Variants in CCDC88A observed in about 807,000 individuals in gnomAD.
The protein encoded by CCDC88A is coiled-coil and HOOK domain protein 88A, also known as girdin.
Under a neutral mutation model 234.3 loss-of-function variants are expected in CCDC88A, and 54 were observed. That is an observed-to-expected ratio of 0.23 (90% confidence interval 0.19 to 0.29). CCDC88A has a LOEUF of 0.29. CCDC88A is among the 10% of genes least tolerant of loss of function. The pLI is 1.00. For missense variants in CCDC88A, 1,832 were observed against 2,123.4 expected (o/e 0.86, Z 2.70); for synonymous variants, 753 against 737.8 (o/e 1.02, Z -0.33).
At chr2:55,343,889 C>T in intron 11 of CCDC88A, 97 bp from the exon 12 acceptor site, 1 of 1,034,716 alleles carries the variant, frequency 9.7e-7, no homozygotes, top group South Asian at 2.1e-5. Context: ...TTATCAGAAA[C>T]TCAGTAATAA....
In CCDC88A at chr2:55,291,744, T is replaced by C. The variant is rs375482415; in HGVS notation, c.5583A>G (p.Ser1861=). The change falls in exon 32 of 33, where the codon TCA becomes TCG. Residue 1861 remains serine (S), a synonymous_variant. Transcript: ENST00000436346. ...TTTGTTGCTCCCTAGACCTGCTTTT[T>C]GAATTTCTGCTTTCTTGTACTTTGT... ...NVDKVQESRN[S]KSRSREQQSS 10 of 1,612,818 alleles carry C rather than the reference T, an allele frequency of 6.2e-6. No individual in the cohort carries two copies. The highest frequency in any genetic ancestry group is 7.6e-6 in the Non-Finnish European group (9 of 1,179,164).
chr2:55,384,949 G>T (rs533834964), intron 3 of CCDC88A, among the ~76,000 whole-genome samples: 7 of 152,020 alleles, frequency 4.6e-5, no homozygotes, highest in East Asian at 3.9e-4. Flanking sequence ...GAGCTACCGC[G>T]CCTGGCTAAA....
At chr2:55,312,354 G>A in intron 23 of CCDC88A, 80 bp downstream of exon 23, 1 of 1,269,900 alleles carries the variant, frequency 7.9e-7, no homozygotes, top group Non-Finnish European at 1.1e-6. Flanking sequence ...AAATTAGCAT[G>A]AATTTTCTCT....
At chr2:55,409,738 CTTTTTTTTTTTT>C (rs61703330) in intron 2 of CCDC88A, among the ~76,000 whole-genome samples, 1 of 111,722 alleles carries the variant, frequency 9.0e-6, no homozygotes. Flanking sequence ...ATATACCTCC[CTTTTTTTTTTTT>C]TTTTTTTTTT....
rs770905849 is a variant in CCDC88A at position 55,355,714 on chromosome 2, T to C, written c.665A>G (p.His222Arg). 2 of 1,613,930 alleles carry C rather than the reference T, an allele frequency of 1.2e-6. No homozygotes were observed. The highest frequency in any genetic ancestry group is 1.7e-6 in the Non-Finnish European group (2 of 1,179,866). Residue 222 changes from histidine to arginine, a missense_variant, in exon 8 of 33, where the codon CAT (histidine) becomes CGT (arginine). This residue lies in a region of CCDC88A where 1,282 missense variants were observed against 1,543.6 expected (regional missense o/e 0.83). Transcript: ENST00000436346. ...AGATGAAGAGGCATGGGGTAGAAAA[T>C]GGAGACCATCCCGCTCTTCAGAGAG... ...IELSEERDGLHFLPHASSSAQ... is the reference protein window; with the variant it reads ...IELSEERDGLRFLPHASSSAQ...
At chr2:55,366,258 G>T (rs966106463) in intron 5 of CCDC88A, among the ~76,000 whole-genome samples, 2 of 152,108 alleles carry the variant, frequency 1.3e-5, no homozygotes, top group Admixed American at 1.3e-4. Flanking sequence ...AGGCGTGATG[G>T]CTCAAGCCTG....
intron 4 of CCDC88A, 130 bp downstream of exon 4, chr2:55,374,684 C>T: frequency 2.0e-6 from 1 of 494,170 alleles, no homozygotes; most frequent in East Asian, 2.8e-5. Flanking sequence ...TAAAATGGAA[C>T]ATCACCTCCA....
At chr2:55,387,564 T>G (rs556262922) in intron 3 of CCDC88A, among the ~76,000 whole-genome samples, 1 of 151,838 alleles carries the variant, frequency 6.6e-6, no homozygotes, top group East Asian at 1.9e-4. Flanking sequence ...GGCAGATCAC[T>G]TGCGGTCAGG....
chr2:55,382,535 A>T (rs764773820), intron 3 of CCDC88A, among the ~76,000 whole-genome samples: 2 of 152,132 alleles, frequency 1.3e-5, no homozygotes, highest in Non-Finnish European at 2.9e-5. Context: ...TTTACTTGTA[A>T]ATGCTGTCTC....
intron 29 of CCDC88A, chr2:55,297,263 ATT>A (rs1198190959): frequency 1.6e-5 from 1 of 62,200 alleles, no homozygotes; most frequent in Non-Finnish European, 3.5e-5. Context: ...TCTAATGTGT[ATT>A]TTTATATATA....
In CCDC88A at chr2:55,316,062, C is replaced by A; in HGVS notation, c.3799G>T (p.Asp1267Tyr). The change falls in exon 22 of 33, where the codon GAC (aspartate) becomes TAC (tyrosine). Residue 1267 changes from aspartate to tyrosine, a missense_variant. Physicochemically the swap from Asp to Tyr is radical, Grantham distance 160. Coordinates refer to ENST00000436346, the MANE Select transcript of CCDC88A (RefSeq NM_001365480.1). ...LLKETEVLQT[D>Y]HKNLKSLLNN... ...AGAAGACTTTTCAAATTTTTATGGT[C>A]AGTTTGTAAAACTTCAGTCTCTTTT... 2 of 1,576,930 alleles carry A rather than the reference C, an allele frequency of 1.3e-6. No individual in the cohort carries two copies. Among genetic ancestry groups the A allele is most frequent in the South Asian group, 1.1e-5 (1 of 87,304 alleles).
intron 2 of CCDC88A, among the ~76,000 whole-genome samples, chr2:55,412,426 C>G (rs1280134047): frequency 9.2e-5 from 14 of 152,236 alleles, no homozygotes; most frequent in African/African-American, 3.4e-4. Flanking sequence ...GAAAGCCACA[C>G]AGCAGATCAG....
intron 28 of CCDC88A, 155 bp from the exon 29 acceptor site, chr2:55,300,074 T>A (rs1680695656): frequency 1.7e-6 from 1 of 600,502 alleles, no homozygotes; most frequent in African/African-American, 1.8e-5. Context: ...TCCAGATAGT[T>A]CATTGAGACA....
At chr2:55,322,756 A>G in intron 17 of CCDC88A, 64 bp from the exon 18 acceptor site, 1 of 889,942 alleles carries the variant, frequency 1.1e-6, no homozygotes, top group Non-Finnish European at 1.7e-6. Flanking sequence ...ATTTCTCTCA[A>G]TTAATTTGAC....
In CCDC88A at chr2:55,374,856, A is replaced by T. The variant is rs984259375; in HGVS notation, c.301T>A (p.Ser101Thr). The T allele has an allele frequency of 6.2e-7, 1 of 1,609,040 alleles. No homozygotes were observed. The highest frequency in any genetic ancestry group is 8.5e-7 in the Non-Finnish European group (1 of 1,176,278). ...QETLQQLIMM[S>T]LPNVLIIGKN... ...CCAATGATTAAGACATTTGGCAACG[A>T]CATCATGATCAATTGCTGCAAAGTC... The change falls in exon 4 of 33, where the codon TCG (serine) becomes ACG (threonine). Residue 101 changes from serine (S) to threonine (T), a missense_variant. Ser to Thr is a moderately conservative substitution (Grantham distance 58). This residue lies in a region of CCDC88A where 84 missense variants were observed against 80.9 expected (regional missense o/e 1.04). Transcript: ENST00000436346.
intron 11 of CCDC88A, 110 bp from the exon 12 acceptor site, chr2:55,343,902 A>AC: frequency 3.3e-6 from 3 of 918,764 alleles, no homozygotes; most frequent in Non-Finnish European, 4.7e-6. Flanking sequence ...AGTAATAATT[A>AC]TGAGTTCTTT....
chr2:55,295,490 T>A (rs773784899), intron 31 of CCDC88A, 107 bp downstream of exon 31: 4 of 1,597,662 alleles, frequency 2.5e-6, no homozygotes, highest in Non-Finnish European at 2.6e-6. Context: ...CCTGGGCATA[T>A]AGAGGCTCAG....
intron 2 of CCDC88A, among the ~76,000 whole-genome samples, chr2:55,411,793 A>AC (rs1240844087): frequency 3.8e-4 from 52 of 137,854 alleles, no homozygotes; most frequent in Admixed American, 8.2e-4. Context: ...AAAAAAAAAA[A>AC]AAAAAAAAAA....
At position 55,328,919 on chromosome 2, in the gene CCDC88A, T is replaced by A. The variant is rs550670849; in HGVS notation, c.2856-484A>T. 2 of 153,060 alleles carry A rather than the reference T, an allele frequency of 1.3e-5. No individual in the cohort carries two copies. Among genetic ancestry groups the A allele is most frequent in the East Asian group, 1.9e-4 (1 of 5,222 alleles). 9.5% of individuals were successfully genotyped at this position (153,060 alleles called of 1,614,324 possible). On this transcript the variant is annotated intron_variant, in intron 16 of 32. Coordinates refer to ENST00000436346, the MANE Select transcript of CCDC88A (RefSeq NM_001365480.1). The surrounding 1 kb of genome is among the most constrained non-coding windows in gnomAD (Gnocchi z 4.3). Reference sequence around the variant, plus strand: ...CCTAGTAGCTGGGATTACAGGCATGTGCCACCACGCCCAGCTAATTTTGTA... The same window carrying A: ...CCTAGTAGCTGGGATTACAGGCATGAGCCACCACGCCCAGCTAATTTTGTA...
Sources: allele counts gnomAD v4.1 joint callset (sites outside exome capture counted in the v4.1 genomes callset), GRCh38; gene constraint gnomAD v4.1.1; regional missense constraint gnomAD v4.1.1; non-coding constraint Gnocchi (gnomAD v3.1); transcripts MANE v1.5; gene names NCBI Gene and HGNC (gene_info 2026-07-23, HGNC 2026-07-21).